Variants in SYT9 observed in about 807,000 individuals in gnomAD.
SYT9 encodes the protein synaptotagmin-9.
In SYT9, 22 loss-of-function variants were observed where a neutral mutation model predicts 48.4. That is an observed-to-expected ratio of 0.45 (90% CI 0.32 to 0.65). The LOEUF (loss-of-function observed/expected upper bound fraction) is 0.65. SYT9 is among the 30% of genes least tolerant of loss of function. The pLI is 0.03. For missense variants in SYT9, 577 were observed against 622.0 expected (o/e 0.93, Z 0.77); for synonymous variants, 265 against 245.0 (o/e 1.08, Z -0.76).
intron 1 of SYT9, among the ~76,000 whole-genome samples, chr11:7,246,804 A>G (rs1260088341): frequency 1.5e-4 from 23 of 152,188 alleles, no homozygotes; most frequent in Admixed American, 1.5e-3. Context: ...TGTGGGCTGG[A>G]AGGTCCAAGT....
chr11:7,372,574 G>T (rs1296913785), intron 3 of SYT9, among the ~76,000 whole-genome samples: 1 of 152,106 alleles, frequency 6.6e-6, no homozygotes, highest in Non-Finnish European at 1.5e-5. Flanking sequence ...TCTCTATGTT[G>T]CCCAGACTGG....
upstream of SYT9, among the ~76,000 whole-genome samples, chr11:7,248,597 A>T (rs1847822475): frequency 6.6e-6 from 1 of 152,150 alleles, no homozygotes; most frequent in Non-Finnish European, 1.5e-5. Flanking sequence ...TCCTTTCCAA[A>T]TAAAATACTT....
In SYT9 at chr11:7,295,247, CTT is replaced by C. The variant is rs951919994; in HGVS notation, c.146-7790_146-7789del. On this transcript the variant is annotated intron_variant, in intron 1 of 6. Coordinates refer to ENST00000318881, the MANE Select transcript of SYT9 (RefSeq NM_175733.4). The stretch of plus-strand genomic sequence containing the variant: ...GAGGAGCCAAGCTGCACCTTCAAAA[CTT>C]TGGTTAGAAATAGCTTCAGCTAAAT... Among the ~76,000 whole-genome samples, 85 of 152,362 alleles carry C rather than the reference CTT, an allele frequency of 5.6e-4. 1 individual carries two copies. The highest frequency in any genetic ancestry group is 2.0e-3 in the African/African-American group (83 of 41,600).
At chr11:7,251,441 G>C (rs939281496), upstream of SYT9, among the ~76,000 whole-genome samples, 1 of 151,962 alleles carries the variant, frequency 6.6e-6, no homozygotes, top group Non-Finnish European at 1.5e-5. Flanking sequence ...CCTGTGCTTG[G>C]GAAATCCTTC....
chr11:7,451,158 G>A (rs553940878), intron 6 of SYT9, among the ~76,000 whole-genome samples: 1 of 152,280 alleles, frequency 6.6e-6, no homozygotes, highest in Admixed American at 6.5e-5. Context: ...CTAATCAAAT[G>A]CTTCAAAATA....
chr11:7,442,474 G>T (rs570897070), intron 6 of SYT9, among the ~76,000 whole-genome samples: 1 of 152,164 alleles, frequency 6.6e-6, no homozygotes, highest in Non-Finnish European at 1.5e-5. Context: ...CACAGGACTC[G>T]TGCTGCCAAC....
intron 3 of SYT9, among the ~76,000 whole-genome samples, chr11:7,413,527 A>C (rs975650367): frequency 6.6e-6 from 1 of 152,002 alleles, no homozygotes; most frequent in Non-Finnish European, 1.5e-5. Context: ...GGACCCTGGG[A>C]GGTCTCTCAC....
At chr11:7,362,500 GTC>G (rs751673012) in intron 3 of SYT9, among the ~76,000 whole-genome samples, 11 of 152,028 alleles carry the variant, frequency 7.2e-5, no homozygotes, top group Non-Finnish European at 1.5e-4. Context: ...ATGCAAAAGA[GTC>G]TAGAAAAATG....
At chr11:7,397,678 C>G (rs1471595218) in intron 3 of SYT9, among the ~76,000 whole-genome samples, 3 of 152,026 alleles carry the variant, frequency 2.0e-5, no homozygotes, top group African/African-American at 7.2e-5. Flanking sequence ...ATATTTATAT[C>G]TTATCTAATT....
intron 1 of SYT9, among the ~76,000 whole-genome samples, chr11:7,241,207 A>AACACAC (rs141196550): frequency 0.011 from 1,569 of 144,180 alleles, 20 homozygotes; most frequent in African/African-American, 0.033. Flanking sequence ...TGTTATTTAA[A>AACACAC]ACACACACAC....
At chr11:7,414,912 CTG>C (rs1226575215) in intron 3 of SYT9, among the ~76,000 whole-genome samples, 3 of 152,290 alleles carry the variant, frequency 2.0e-5, no homozygotes, top group African/African-American at 7.2e-5. Flanking sequence ...CAGTAGGAAA[CTG>C]TATTAATTAG....
At chr11:7,352,271 G>A (rs1219978620) in intron 3 of SYT9, among the ~76,000 whole-genome samples, 1 of 152,158 alleles carries the variant, frequency 6.6e-6, no homozygotes, top group Non-Finnish European at 1.5e-5. Context: ...TCAGGAGTTT[G>A]TATTCAGTTG....
At chr11:7,454,595 T>C (rs577413769) in intron 6 of SYT9, among the ~76,000 whole-genome samples, 1 of 152,182 alleles carries the variant, frequency 6.6e-6, no homozygotes, top group Non-Finnish European at 1.5e-5. Flanking sequence ...ATCCATCTAA[T>C]ATCATAATTG....
At chr11:7,326,680 G>C (rs1849442474) in intron 3 of SYT9, among the ~76,000 whole-genome samples, 2 of 128,366 alleles carry the variant, frequency 1.6e-5, no homozygotes, top group African/African-American at 6.1e-5. Flanking sequence ...ATACTACAAG[G>C]CTACAGTAAC....
intron 3 of SYT9, among the ~76,000 whole-genome samples, chr11:7,398,623 G>A (rs748554459): frequency 1.3e-4 from 20 of 152,030 alleles, no homozygotes; most frequent in Non-Finnish European, 2.5e-4. Flanking sequence ...TGTTAGCCAG[G>A]ACAGTCTCGA....
chr11:7,430,084 A>T (rs750546686), intron 6 of SYT9, among the ~76,000 whole-genome samples: 1 of 94,238 alleles, frequency 1.1e-5, no homozygotes, highest in Non-Finnish European at 2.4e-5. Flanking sequence ...TTTACAGCAA[A>T]AATGAAGATC....
rs1466429224 is a variant in SYT9 at position 7,468,401 on chromosome 11, T to A, written c.*1601T>A. The A allele has an allele frequency of 7.5e-6, 3 of 398,218 alleles. No individual in the cohort carries two copies. Among genetic ancestry groups the A allele is most frequent in the Non-Finnish European group, 1.3e-5 (3 of 225,884 alleles). The allele number at this position is 398,218 out of a possible 1,614,324, so 24.7% of individuals were successfully genotyped here. A position where few individuals can be genotyped will look rare whatever the true frequency, so the allele number is the denominator to read the frequency against. The stretch of plus-strand genomic sequence containing the variant: ...TACATTCAAGCTTCACTTCTCTGAT[T>A]GGCTTCCAACCACTGGGATTCAAAG... On this transcript the variant is annotated 3_prime_UTR_variant, in exon 7 of 7. Transcript: ENST00000318881.
At chr11:7,340,965 T>C (rs2881484) in intron 3 of SYT9, among the ~76,000 whole-genome samples, 63,127 of 152,120 alleles carry the variant, frequency 0.41, 14,172 homozygotes, top group African/African-American at 0.58. Flanking sequence ...TTGGATTTTC[T>C]AGCACCTGAA....
chr11:7,365,709 A>G (rs1850228109), intron 3 of SYT9, among the ~76,000 whole-genome samples: 1 of 152,102 alleles, frequency 6.6e-6, no homozygotes, highest in Non-Finnish European at 1.5e-5. Flanking sequence ...CTTTACTGGC[A>G]TTTTCAGGGG....
Sources: allele counts gnomAD v4.1 joint callset (sites outside exome capture counted in the v4.1 genomes callset), GRCh38; gene constraint gnomAD v4.1.1; transcripts MANE v1.5; gene names NCBI Gene and HGNC (gene_info 2026-07-23, HGNC 2026-07-21).